Variants in RAB25 observed in about 807,000 individuals in gnomAD.
The protein encoded by RAB25 is RAB25, member RAS oncogene family.
Under a neutral mutation model 25.2 loss-of-function variants are expected in RAB25, and 23 were observed. That is an observed-to-expected ratio of 0.91 (90% CI 0.66 to 1.29). The LOEUF (loss-of-function observed/expected upper bound fraction) is 1.29, where lower values mean the gene tolerates loss of function less well. Ranked by LOEUF, RAB25 falls within the 50% of genes most tolerant of loss-of-function variation. RAB25 has a pLI of 0.00. For synonymous variants in RAB25, 102 were observed against 111.5 expected (o/e 0.91, Z 0.54); for missense variants, 244 against 277.3 (o/e 0.88, Z 0.85).
chr1:156,063,443 G>T (rs182023590), intron 1 of RAB25, among the ~76,000 whole-genome samples: 1 of 152,116 alleles, frequency 6.6e-6, no homozygotes, highest in Non-Finnish European at 1.5e-5. Context: ...GAGCCACCGC[G>T]CCCAGCTCAA....
In RAB25 at chr1:156,070,434, A is replaced by G. The variant is rs1647873774; in HGVS notation, c.*147A>G. On this transcript the variant is annotated 3_prime_UTR_variant, in exon 5 of 5. Transcript: ENST00000361084. Reference sequence around the variant, plus strand: ...CAGGGTCTTAAGGTCTTCATGCCCTATCACAAATACCTCTTTTATCTGTCC... The same window carrying G: ...CAGGGTCTTAAGGTCTTCATGCCCTGTCACAAATACCTCTTTTATCTGTCC... 3 of 1,024,594 alleles carry G rather than the reference A, an allele frequency of 2.9e-6. No individual in the cohort carries two copies. The highest frequency in any genetic ancestry group is 5.6e-5 in the Admixed American group (2 of 35,400). The allele number at this position is 1,024,594 out of a possible 1,614,324, so 63.5% of individuals were successfully genotyped here.
At chr1:156,064,611 C>A (rs562388718) in intron 1 of RAB25, among the ~76,000 whole-genome samples, 3 of 152,072 alleles carry the variant, frequency 2.0e-5, no homozygotes, top group Non-Finnish European at 2.9e-5. Flanking sequence ...GATGGGGTTT[C>A]ACCGTGTTAC....
In RAB25 at chr1:156,068,373, G is replaced by A; in HGVS notation, c.343G>A (p.Glu115Lys). The change falls in exon 3 of 5, where the codon GAA (glutamate) becomes AAA (lysine). Residue 115 changes from glutamate (E) to lysine (K), a missense_variant. By Grantham distance (56) the Glu-to-Lys change is moderately conservative. Transcript: ENST00000361084. ...RWLKELYDHA[E>K]ATIVVMLVGN... The stretch of plus-strand genomic sequence containing the variant: ...GCTGAAGGAGCTCTATGACCATGCT[G>A]AAGCCACGATCGTCGTCATGCTCGT... 6.2e-7 allele frequency: 1 copy of A among 1,614,122 alleles called. No individual in the cohort carries two copies. The highest frequency in any genetic ancestry group is 8.5e-7 in the Non-Finnish European group (1 of 1,180,024).
At chr1:156,065,877 C>CCCAT (rs1290244967) in intron 1 of RAB25, 34 bp from the exon 2 acceptor site, 56 of 1,535,662 alleles carry the variant, frequency 3.6e-5, no homozygotes, top group Non-Finnish European at 4.7e-5. Flanking sequence ...GCTGCTCTAC[C>CCCAT]CCATGCTCAG....
At chr1:156,061,726 C>T (rs1647586041) in intron 1 of RAB25, among the ~76,000 whole-genome samples, 1 of 152,168 alleles carries the variant, frequency 6.6e-6, no homozygotes. Flanking sequence ...AAACCCAAAT[C>T]CCTGGTGTCA....
At chr1:156,065,804 T>G in intron 1 of RAB25, 107 bp from the exon 2 acceptor site, 1 of 920,048 alleles carries the variant, frequency 1.1e-6, no homozygotes. Context: ...TTCCCTAATC[T>G]TTTTTCTGAG....
chr1:156,062,421 C>T (rs1180255111), intron 1 of RAB25, among the ~76,000 whole-genome samples: 1 of 152,110 alleles, frequency 6.6e-6, no homozygotes, highest in East Asian at 1.9e-4. Context: ...CACCTTCATA[C>T]TTCCTTTAGG....
At chr1:156,068,713 G>A (rs1194916681) in intron 3 of RAB25, among the ~76,000 whole-genome samples, 2 of 140,248 alleles carry the variant, frequency 1.4e-5, no homozygotes, top group Admixed American at 7.2e-5. Flanking sequence ...TTTTGAGACC[G>A]GGTCTCAATC....
chr1:156,068,604 C>T, intron 3 of RAB25, 141 bp downstream of exon 3: 1 of 691,258 alleles, frequency 1.4e-6, no homozygotes, highest in Non-Finnish European at 2.3e-6. Context: ...CCCTCTTCCT[C>T]AGGATTTCCC....
At chr1:156,068,550 G>C (rs1647820520) in intron 3 of RAB25, 87 bp downstream of exon 3, 2 of 1,375,390 alleles carry the variant, frequency 1.5e-6, no homozygotes, top group Admixed American at 3.6e-5. Context: ...CCCACCCATA[G>C]AGCCCCTAGC....
Position 156,070,411 on chromosome 1 carries a change from G to A in RAB25, c.*124G>A, listed in dbSNP as rs1320239407. The A allele has an allele frequency of 4.4e-5, 56 of 1,280,832 alleles. No homozygotes were observed. The East Asian group carries it at 1.3e-3, about 30-fold the overall frequency. 79.3% of individuals were successfully genotyped at this position (1,280,832 alleles called of 1,614,324 possible). A position where few individuals can be genotyped will look rare whatever the true frequency, so the allele number is the denominator to read the frequency against. On this transcript the variant is annotated 3_prime_UTR_variant, in exon 5 of 5. Transcript: ENST00000361084. ...CTGTTCCCTGTTCACAGCACCCTCA[G>A]GGTCTTAAGGTCTTCATGCCCTATC...
chr1:156,061,969 GA>G (rs1647595940), intron 1 of RAB25, among the ~76,000 whole-genome samples: 1 of 152,116 alleles, frequency 6.6e-6, no homozygotes. Context: ...ATTTTTAATA[GA>G]GACGGGGTTT....
intron 1 of RAB25, among the ~76,000 whole-genome samples, chr1:156,061,974 G>A (rs1229024905): frequency 1.3e-5 from 2 of 152,024 alleles, no homozygotes; most frequent in Non-Finnish European, 1.5e-5. Context: ...TAATAGAGAC[G>A]GGGTTTCACC....
In RAB25 at chr1:156,070,390, T is replaced by C; in HGVS notation, c.*103T>C. 2 of 1,470,146 alleles carry C rather than the reference T, an allele frequency of 1.4e-6. No homozygotes were observed. The highest frequency in any genetic ancestry group is 9.2e-7 in the Non-Finnish European group (1 of 1,088,698). The allele number at this position is 1,470,146 out of a possible 1,614,324, so 91.1% of individuals were successfully genotyped here. A position where few individuals can be genotyped will look rare whatever the true frequency, so the allele number is the denominator to read the frequency against. Reference sequence around the variant, plus strand: ...CCTTTGGTTCCAGATATCAGACTGTTCCCTGTTCACAGCACCCTCAGGGTC... The same window carrying C: ...CCTTTGGTTCCAGATATCAGACTGTCCCCTGTTCACAGCACCCTCAGGGTC... On this transcript the variant is annotated 3_prime_UTR_variant, in exon 5 of 5. Transcript: ENST00000361084.
At chr1:156,061,527 T>A in intron 1 of RAB25, 84 bp downstream of exon 1, 5 of 1,403,368 alleles carry the variant, frequency 3.6e-6, no homozygotes, top group Non-Finnish European at 3.0e-6. Context: ...CCCTCCTGTT[T>A]TTTTATCTCT....
At chr1:156,069,521 T>C (rs1647843933) in intron 3 of RAB25, 150 bp from the exon 4 acceptor site, 2 of 668,142 alleles carry the variant, frequency 3.0e-6, no homozygotes, top group South Asian at 1.8e-5. Flanking sequence ...GTTTTCTAAA[T>C]GAACCTACCT....
Position 156,070,234 on chromosome 1 carries a change from G to C in RAB25, c.589G>C (p.Ala197Pro), listed in dbSNP as rs1320658726. Residue 197 changes from alanine to proline, a missense_variant, in exon 5 of 5, where the codon GCT (alanine) becomes CCT (proline). Physicochemically the swap from Ala to Pro is conservative, Grantham distance 27. Coordinates refer to ENST00000361084, the MANE Select transcript of RAB25 (RefSeq NM_020387.4). ...TNAITLGSAQAGQEPGPGEKR... is the reference protein window; with the variant it reads ...TNAITLGSAQPGQEPGPGEKR... ...TGCCATCACTCTGGGCAGTGCCCAG[G>C]CTGGACAGGAGCCTGGCCCTGGGGA... is the stretch of plus-strand genomic sequence containing the variant. The C allele has an allele frequency of 1.2e-6, 2 of 1,614,086 alleles. No homozygotes were observed. The highest frequency in any genetic ancestry group is 1.7e-6 in the Non-Finnish European group (2 of 1,179,992).
intron 2 of RAB25, among the ~76,000 whole-genome samples, chr1:156,066,811 G>A (rs879701415): frequency 3.3e-5 from 5 of 152,014 alleles, no homozygotes; most frequent in East Asian, 1.9e-4. Flanking sequence ...TTGGTGGTGC[G>A]TACCTGTAGT....
At chr1:156,069,190 T>G (rs1647836157) in intron 3 of RAB25, among the ~76,000 whole-genome samples, 2 of 152,130 alleles carry the variant, frequency 1.3e-5, no homozygotes, top group African/African-American at 4.8e-5. Context: ...TCTTTTTCTT[T>G]TTCTTTTTTT....
Sources: allele counts gnomAD v4.1 joint callset (sites outside exome capture counted in the v4.1 genomes callset), GRCh38; gene constraint gnomAD v4.1.1; transcripts MANE v1.5; gene names NCBI Gene and HGNC (gene_info 2026-07-23, HGNC 2026-07-21).